The following SERINC5 variants were observed in gnomAD, a reference collection of about 807,000 sequenced individuals.
The protein encoded by SERINC5 is serine incorporator 5.
In SERINC5, 41 loss-of-function variants were observed where a neutral mutation model predicts 63.1. The observed-to-expected ratio is 0.65, with a 90% CI of 0.51 to 0.84. The LOEUF is 0.84. Ranked by LOEUF, SERINC5 falls within the 40% of genes least tolerant of loss-of-function variation. The probability of loss-of-function intolerance (pLI) is 0.00; values close to 1 mark genes in which losing one functional copy is unlikely to be tolerated. For synonymous variants in SERINC5, 222 were observed against 215.2 expected (o/e 1.03, Z -0.28); for missense variants, 523 against 573.0 (o/e 0.91, Z 0.89).
In SERINC5 at chr5:80,177,939, T is replaced by C. The variant is rs567449596; in HGVS notation, c.321A>G (p.Leu107=). Residue 107 remains leucine, a synonymous_variant, in exon 3 of 12, where the codon CTA becomes CTG. Coordinates refer to ENST00000507668, the MANE Select transcript of SERINC5 (RefSeq NM_001174072.3). ...GMACFFFIFC[L]LTLKINNSKS... is the part of the protein sequence containing the mutation. ...TGCTGTTGTTGATTTTCAAGGTCAG[T>C]AGACAGAAGATAAAGAAGAAACAAG... The C allele has an allele frequency of 4.3e-6, 7 of 1,612,086 alleles. No individual in the cohort carries two copies. In the Admixed American group the frequency reaches 5.0e-5, roughly 12 times the overall value.
At chr5:80,133,348 C>G (rs1745023600) in intron 11 of SERINC5, among the ~76,000 whole-genome samples, 1 of 152,166 alleles carries the variant, frequency 6.6e-6, no homozygotes, top group African/African-American at 2.4e-5. Context: ...TGCTCTTGCT[C>G]TTGTGGGCTA....
intron 2 of SERINC5, among the ~76,000 whole-genome samples, chr5:80,179,702 A>G (rs1748292505): frequency 6.6e-6 from 1 of 150,996 alleles, no homozygotes; most frequent in East Asian, 1.9e-4. Context: ...TCCCTAATCC[A>G]AAAAAATCCA....
At chr5:80,190,834 A>AT (rs1241576635) in intron 2 of SERINC5, among the ~76,000 whole-genome samples, 1 of 152,166 alleles carries the variant, frequency 6.6e-6, no homozygotes, top group Non-Finnish European at 1.5e-5. Context: ...CATGGCAGAC[A>AT]TTTAAGTTTC....
At chr5:80,152,973 T>A (rs1746281209) in intron 8 of SERINC5, among the ~76,000 whole-genome samples, 1 of 152,154 alleles carries the variant, frequency 6.6e-6, no homozygotes, top group Non-Finnish European at 1.5e-5. Flanking sequence ...GAGTAAATAT[T>A]CTACTCTATA....
rs904550133 is a variant in SERINC5, at chr5:80,247,383, A to C, written c.27+8513T>G. The stretch of plus-strand genomic sequence containing the variant: ...TATACAGAAAACGAGGGCGGAAAGC[A>C]AGCAATGGGGAAGGGGGTGTTACCT... On this transcript the variant is annotated intron_variant, in intron 1 of 11. Transcript: ENST00000507668. 3.3e-5 allele frequency among the ~76,000 whole-genome samples: 5 copies of C among 152,272 alleles called. No individual in the cohort carries two copies. In the Middle Eastern group the frequency reaches 0.014, roughly 414 times the overall value.
intron 8 of SERINC5, among the ~76,000 whole-genome samples, chr5:80,156,452 A>C (rs1199859869): frequency 6.6e-6 from 1 of 152,152 alleles, no homozygotes; most frequent in East Asian, 1.9e-4. Flanking sequence ...TACAGCAAAC[A>C]TCAATCACAT....
chr5:80,181,303 G>T (rs1206859204), intron 2 of SERINC5, among the ~76,000 whole-genome samples: 2 of 152,148 alleles, frequency 1.3e-5, no homozygotes, highest in Non-Finnish European at 2.9e-5. Flanking sequence ...CTGGAGTGCA[G>T]TGGCGCAATC....
intron 1 of SERINC5, among the ~76,000 whole-genome samples, chr5:80,240,171 G>A (rs113627726): frequency 3.9e-5 from 6 of 152,154 alleles, no homozygotes; most frequent in Admixed American, 6.5e-5. Flanking sequence ...ATTGAGCTTC[G>A]TGGTAATACA....
chr5:80,233,516 C>T (rs1049596471), intron 1 of SERINC5, among the ~76,000 whole-genome samples: 5 of 152,040 alleles, frequency 3.3e-5, no homozygotes, highest in African/African-American at 9.7e-5. Context: ...TCTAAAATCA[C>T]TTGGTTGGAC....
At position 80,138,905 on chromosome 5, in the gene SERINC5, A is replaced by C. The variant is rs967845331; in HGVS notation, c.*4758T>G. On this transcript the variant is annotated 3_prime_UTR_variant, in exon 12 of 12. Coordinates refer to ENST00000507668, the MANE Select transcript of SERINC5 (RefSeq NM_001174072.3). ...AAAAAACAACACAGTTTTAATTTTA[A>C]ATTTTATTAAAGTACAGAGTTAACA... 1.0e-6 allele frequency: 1 copy of C among 971,308 alleles called. No individual in the cohort carries two copies. The highest frequency in any genetic ancestry group is 1.2e-6 in the Non-Finnish European group (1 of 817,260). The allele number at this position is 971,308 out of a possible 1,614,324, so 60.2% of individuals were successfully genotyped here.
chr5:80,202,757 A>C, intron 2 of SERINC5, 129 bp downstream of exon 2: 1 of 776,310 alleles, frequency 1.3e-6, no homozygotes, highest in Non-Finnish European at 2.0e-6. Flanking sequence ...GGCTTCAGGA[A>C]GGTTCAAGGA....
At chr5:80,155,643 G>A (rs1196849753) in intron 8 of SERINC5, among the ~76,000 whole-genome samples, 1 of 151,890 alleles carries the variant, frequency 6.6e-6, no homozygotes, top group Non-Finnish European at 1.5e-5. Flanking sequence ...TCATGGTTAT[G>A]CCTGTAGTCC....
intron 8 of SERINC5, among the ~76,000 whole-genome samples, chr5:80,152,975 T>C (rs1315354837): frequency 6.6e-6 from 1 of 152,212 alleles, no homozygotes; most frequent in Non-Finnish European, 1.5e-5. Flanking sequence ...GTAAATATTC[T>C]ACTCTATAAA....
At chr5:80,161,986 G>A (rs1746959846) in intron 7 of SERINC5, among the ~76,000 whole-genome samples, 1 of 152,194 alleles carries the variant, frequency 6.6e-6, no homozygotes, top group Non-Finnish European at 1.5e-5. Flanking sequence ...CCCAGTGTGT[G>A]TTCTTGTCAA....
chr5:80,133,853 G>A (rs1342379607), downstream of SERINC5, among the ~76,000 whole-genome samples: 1 of 152,194 alleles, frequency 6.6e-6, no homozygotes, highest in Non-Finnish European at 1.5e-5. Flanking sequence ...GTCAGAAAGT[G>A]GGGACTACTG....
Position 80,146,326 on chromosome 5 carries a change from A to G in SERINC5, c.1094-92T>C. 3 of 1,457,136 alleles carry G rather than the reference A, an allele frequency of 2.1e-6. No individual in the cohort carries two copies. The East Asian group carries it at 6.8e-5, about 33-fold the overall frequency. 90.3% of individuals were successfully genotyped at this position (1,457,136 alleles called of 1,614,324 possible). On this transcript the variant is annotated intron_variant, in intron 10 of 11. Transcript: ENST00000507668. ...CGCTCGCTAATTCTACAGGGCTGTCAGTAGAAAAGATGCCAGAAAGCCATC... is the reference window on the plus strand; with the variant it reads ...CGCTCGCTAATTCTACAGGGCTGTCGGTAGAAAAGATGCCAGAAAGCCATC...
chr5:80,127,167 C>T (rs1744776867), intron 11 of SERINC5, among the ~76,000 whole-genome samples: 1 of 152,188 alleles, frequency 6.6e-6, no homozygotes, highest in African/African-American at 2.4e-5. Context: ...TAATACTTCC[C>T]CACTTCATTG....
In SERINC5 at chr5:80,223,829, A is replaced by G. The variant is rs565588302; in HGVS notation, c.28-20776T>C. Among the ~76,000 whole-genome samples the G allele has an allele frequency of 3.5e-4, 53 of 152,132 alleles. 1 individual carries two copies. The highest frequency in any genetic ancestry group is 1.6e-4 in the Non-Finnish European group (11 of 68,032). On this transcript the variant is annotated intron_variant, in intron 1 of 11. Transcript: ENST00000507668. ...TACAACTATCTACTCATCAACGAGA[A>G]AGTTAGAAAAGTCAAGCCGGGCGCG... is the stretch of plus-strand genomic sequence containing the variant.
At position 80,142,991 on chromosome 5, in the gene SERINC5, T is replaced by A; in HGVS notation, c.*672A>T. On this transcript the variant is annotated 3_prime_UTR_variant, in exon 12 of 12. Transcript: ENST00000507668. The stretch of plus-strand genomic sequence containing the variant: ...TCAGACAAATTGTGCTTTTTCACAT[T>A]ATTACAAAGATGTGGGACCCAGAAA... 1 of 985,408 alleles carries A rather than the reference T, an allele frequency of 1.0e-6. No individual in the cohort carries two copies. The highest frequency in any genetic ancestry group is 4.7e-5 in the South Asian group (1 of 21,286). 61.0% of individuals were successfully genotyped at this position (985,408 alleles called of 1,614,324 possible).
Sources: allele counts gnomAD v4.1 joint callset (sites outside exome capture counted in the v4.1 genomes callset), GRCh38; gene constraint gnomAD v4.1.1; transcripts MANE v1.5; gene names NCBI Gene and HGNC (gene_info 2026-07-23, HGNC 2026-07-21).